Variants in TMEM223 observed in about 807,000 individuals in gnomAD.
TMEM223 encodes the protein transmembrane protein 223.
TMEM223 carries 14 observed loss-of-function variants against 14.1 expected under a neutral mutation model. The observed-to-expected ratio is 0.99, with a 90% CI of 0.66 to 1.55. TMEM223 has a LOEUF of 1.55. Ranked by LOEUF, TMEM223 falls within the 40% of genes most tolerant of loss-of-function variation. The pLI is 0.00. For synonymous variants in TMEM223, 145 were observed against 120.5 expected (o/e 1.20, Z -1.33); for missense variants, 346 against 269.9 (o/e 1.28, Z -1.97).
exon 3 of TMEM223, chr11:62,771,824 A>T: frequency 3.4e-6 from 1 of 291,478 alleles, no homozygotes; most frequent in Non-Finnish European, 6.8e-6. Context: ...GTCATATAAT[A>T]GGGAAACTCC....
intron 1 of TMEM223, among the ~76,000 whole-genome samples, chr11:62,776,148 T>C (rs2084186646): frequency 6.6e-6 from 1 of 152,170 alleles, no homozygotes; most frequent in African/African-American, 2.4e-5. Context: ...AACAGCCCTG[T>C]TGGGCAGGCA....
chr11:62,791,327 G>A (rs1384343250), intron 1 of TMEM223, among the ~76,000 whole-genome samples: 1 of 151,986 alleles, frequency 6.6e-6, no homozygotes, highest in Middle Eastern at 3.2e-3. Flanking sequence ...GCGTCATCTC[G>A]GCTCACTGCA....
At chr11:62,789,202 C>T (rs750096481), downstream of TMEM223, 1 of 1,614,170 alleles carries the variant, frequency 6.2e-7, no homozygotes, top group Admixed American at 1.7e-5. Context: ...GCATCGAGGA[C>T]TCCCACAGGT....
At chr11:62,783,364 C>T (rs981708075), downstream of TMEM223, among the ~76,000 whole-genome samples, 3 of 151,892 alleles carry the variant, frequency 2.0e-5, no homozygotes, top group Admixed American at 6.6e-5. Flanking sequence ...CGCCTGTAGT[C>T]CCAGCTACTC....
At chr11:62,773,779 T>C (rs759345115) in intron 2 of TMEM223, among the ~76,000 whole-genome samples, 22 of 152,156 alleles carry the variant, frequency 1.4e-4, no homozygotes, top group Non-Finnish European at 2.4e-4. Context: ...GGAGGCAGAA[T>C]GCAAGGACAT....
At chr11:62,778,187 T>A (rs1037859005) in intron 1 of TMEM223, 48 of 1,613,292 alleles carry the variant, frequency 3.0e-5, no homozygotes, top group African/African-American at 9.4e-5. Flanking sequence ...AGAGAAGTGG[T>A]GATGGGCTGG....
chr11:62,780,519 A>G (rs1177595824), intron 1 of TMEM223, among the ~76,000 whole-genome samples: 1 of 151,996 alleles, frequency 6.6e-6, no homozygotes, highest in Non-Finnish European at 1.5e-5. Flanking sequence ...CTCAAAAAAA[A>G]AGATCACGCT....
downstream of TMEM223, among the ~76,000 whole-genome samples, chr11:62,785,535 A>G (rs560857941): frequency 1.4e-4 from 19 of 136,042 alleles, no homozygotes; most frequent in African/African-American, 4.1e-4. Flanking sequence ...CTTATAGTTA[A>G]TTCTTTTTTT....
downstream of TMEM223, chr11:62,787,531 C>T (rs555442323): frequency 7.2e-5 from 112 of 1,559,786 alleles, 1 homozygote; most frequent in African/African-American, 1.4e-3. Flanking sequence ...GACCCAGGTG[C>T]GGCTGCGGGG....
downstream of TMEM223, chr11:62,782,867 A>C (rs1302544910): frequency 1.9e-6 from 3 of 1,604,188 alleles, no homozygotes; most frequent in Non-Finnish European, 2.6e-6. Flanking sequence ...AAGAACTCCC[A>C]TTTGTGTTAG....
downstream of TMEM223, chr11:62,789,038 A>C (rs762081688): frequency 1.9e-6 from 3 of 1,612,768 alleles, no homozygotes; most frequent in Non-Finnish European, 1.7e-6. Flanking sequence ...CTTCAGTGGT[A>C]GATGTCCCCT....
downstream of TMEM223, among the ~76,000 whole-genome samples, chr11:62,784,357 T>G (rs974130163): frequency 2.7e-5 from 4 of 146,616 alleles, no homozygotes; most frequent in Non-Finnish European, 6.0e-5. Context: ...CAGGCTGGAG[T>G]CCAGTGGCGC....
chr11:62,790,513 CACCCTCCCAAAGTGCTGGGAT>C lies in TMEM223; in HGVS notation c.*89_*109del. On this transcript the variant is annotated 3_prime_UTR_variant, in exon 2 of 2. Transcript: ENST00000307366. ...CTGGGCTCGAGCAGTGCTCCTGCCT[CACCCTCCCAAAGTGCTGGGAT>C]TACAACAGGTGTGAACCAACACACC... is the stretch of plus-strand genomic sequence containing the variant. The C allele has an allele frequency of 9.5e-7, 1 of 1,052,506 alleles. No homozygotes were observed. Among genetic ancestry groups the C allele is most frequent in the Non-Finnish European group, 1.4e-6 (1 of 734,750 alleles). The allele number at this position is 1,052,506 out of a possible 1,614,324, so 65.2% of individuals were successfully genotyped here. A position where few individuals can be genotyped will look rare whatever the true frequency, so the allele number is the denominator to read the frequency against.
At chr11:62,781,395 C>A (rs149628223) in intron 1 of TMEM223, among the ~76,000 whole-genome samples, 4 of 151,602 alleles carry the variant, frequency 2.6e-5, no homozygotes, top group East Asian at 1.9e-4. Flanking sequence ...GTTGGATGGC[C>A]GGGCGCGGTG....
At position 62,790,211 on chromosome 11, in the gene TMEM223, T is replaced by G. The variant is rs1055639676; in HGVS notation, c.*412A>C. On this transcript the variant is annotated 3_prime_UTR_variant, in exon 2 of 2. Coordinates refer to ENST00000307366, the MANE Select transcript of TMEM223 (RefSeq NM_001080501.3). ...CCCTCCACCTCTTCCTGCAGCTGTTTTTGTACCAAAATATTATATTACTGT... is the reference window on the plus strand; with the variant it reads ...CCCTCCACCTCTTCCTGCAGCTGTTGTTGTACCAAAATATTATATTACTGT... The G allele has an allele frequency of 5.3e-6, 4 of 761,744 alleles. No homozygotes were observed. Among genetic ancestry groups the G allele is most frequent in the Non-Finnish European group, 8.1e-6 (4 of 494,974 alleles). The allele number at this position is 761,744 out of a possible 1,614,324, so 47.2% of individuals were successfully genotyped here.
chr11:62,779,976 A>ATATATATATATATATATTTTTTTT (rs1294367864), intron 1 of TMEM223, among the ~76,000 whole-genome samples: 5 of 52,614 alleles, frequency 9.5e-5, no homozygotes, highest in Non-Finnish European at 1.5e-4. Context: ...ATATATATAT[A>ATATATATATATATATATTTTTTTT]TTTTTTTTTT....
chr11:62,789,930 G>A (rs1220721334), downstream of TMEM223: 1 of 1,614,120 alleles, frequency 6.2e-7, no homozygotes, highest in South Asian at 1.1e-5. Context: ...TGGTCTTGGT[G>A]CTCCAGGTCG....
chr11:62,787,982 G>A, downstream of TMEM223: 4 of 466,470 alleles, frequency 8.6e-6, no homozygotes, highest in South Asian at 6.2e-5. Context: ...TGGAGAAAAC[G>A]CTGACGTAAA....
intron 1 of TMEM223, chr11:62,777,976 A>T: frequency 5.6e-6 from 9 of 1,613,416 alleles, no homozygotes; most frequent in Non-Finnish European, 7.6e-6. Flanking sequence ...CTTTTTCCTC[A>T]GGCTGTGTGT....
Sources: allele counts gnomAD v4.1 joint callset (sites outside exome capture counted in the v4.1 genomes callset), GRCh38; gene constraint gnomAD v4.1.1; transcripts MANE v1.5; gene names NCBI Gene and HGNC (gene_info 2026-07-23, HGNC 2026-07-21).